The following NIPBL variants were observed in gnomAD, a reference collection of about 807,000 sequenced individuals.
NIPBL encodes the protein nipped-B-like protein.
A neutral mutation model predicts 321.8 loss-of-function variants in NIPBL; 19 were observed. The ratio of observed to expected loss-of-function variants is 0.06; its 90% CI spans 0.04 to 0.09. The LOEUF (loss-of-function observed/expected upper bound fraction) is 0.09, where lower values mean the gene tolerates loss of function less well. NIPBL is among the 10% of genes least tolerant of loss of function. NIPBL has a pLI of 1.00. For synonymous variants in NIPBL, 1,106 were observed against 1,114.1 expected, an observed-to-expected ratio of 0.99 and a Z score of 0.14; for missense variants, 2,210 against 3,327.0, an observed-to-expected ratio of 0.66 and a Z score of 8.26.
At chr5:36,926,374 G>A (rs1414905821) in intron 1 of NIPBL, among the ~76,000 whole-genome samples, 1 of 152,080 alleles carries the variant, frequency 6.6e-6, no homozygotes, top group Non-Finnish European at 1.5e-5. Flanking sequence ...TATTCAGCTG[G>A]TAGATGGGCT....
At chr5:37,063,739 C>G in intron 45 of NIPBL, 51 bp from the exon 46 acceptor site, 2 of 1,537,760 alleles carry the variant, frequency 1.3e-6, no homozygotes, top group Non-Finnish European at 1.8e-6. Flanking sequence ...ATTTGACAAT[C>G]TTGCTTGAAA....
At chr5:37,033,883 T>C (rs1373622519) in intron 32 of NIPBL, among the ~76,000 whole-genome samples, 1 of 151,032 alleles carries the variant, frequency 6.6e-6, no homozygotes, top group Non-Finnish European at 1.5e-5. Flanking sequence ...ATATTTTTGA[T>C]CTCTGAGTAG....
chr5:37,064,838 A>G lies in NIPBL; in HGVS notation c.8361A>G (p.Lys2787=), dbSNP rs1335718105. The change falls in exon 47 of 47, where the codon AAA becomes AAG. Residue 2787 remains lysine, a synonymous_variant. Coordinates refer to ENST00000282516, the MANE Select transcript of NIPBL (RefSeq NM_133433.4). ...ALTSANKLTN[K]VVQTLRSLYA... is the part of the protein sequence containing the mutation. ...CGAGTGCTAATAAGCTGACTAATAAAGTTGTTCAGACTTTACGATCCCTGT... is the reference window on the plus strand; with the variant it reads ...CGAGTGCTAATAAGCTGACTAATAAGGTTGTTCAGACTTTACGATCCCTGT... The G allele has an allele frequency of 1.2e-6, 2 of 1,614,204 alleles. No homozygotes were observed. Among genetic ancestry groups the G allele is most frequent in the Admixed American group, 1.7e-5 (1 of 60,018 alleles).
intron 21 of NIPBL, among the ~76,000 whole-genome samples, chr5:37,011,536 C>A (rs1748125306): frequency 6.6e-6 from 1 of 152,046 alleles, no homozygotes. Flanking sequence ...GCCTGGATGA[C>A]AGAATGAGAA....
At chr5:36,895,559 A>G (rs539531834) in intron 1 of NIPBL, among the ~76,000 whole-genome samples, 1 of 152,296 alleles carries the variant, frequency 6.6e-6, no homozygotes, top group African/African-American at 2.4e-5. Flanking sequence ...AAAGAGGTGC[A>G]TGATTTTACA....
Position 36,957,885 on chromosome 5 carries a change from A to G in NIPBL, c.231-219A>G, listed in dbSNP as rs547264265. ...GTAATCCCAGCTACTCGGGAGGCTG[A>G]GGCAAGAGAATCACTTGAACCTGGG... On this transcript the variant is annotated intron_variant, in intron 3 of 46. Coordinates refer to ENST00000282516, the MANE Select transcript of NIPBL (RefSeq NM_133433.4). Among the ~76,000 whole-genome samples, 3 of 152,066 alleles carry G rather than the reference A, an allele frequency of 2.0e-5. No individual in the cohort carries two copies. The East Asian group carries it at 5.8e-4, about 29-fold the overall frequency.
intron 32 of NIPBL, among the ~76,000 whole-genome samples, chr5:37,033,055 A>G (rs932585331): frequency 1.2e-4 from 18 of 152,232 alleles, no homozygotes; most frequent in Admixed American, 9.2e-4. Flanking sequence ...ACATTAAAGT[A>G]GAAGAAATCA....
chr5:36,924,394 G>C (rs570401481), intron 1 of NIPBL, among the ~76,000 whole-genome samples: 1 of 152,138 alleles, frequency 6.6e-6, no homozygotes, highest in Non-Finnish European at 1.5e-5. Context: ...GTGTCATTAA[G>C]TGTAGTGGTT....
chr5:37,014,155 C>T (rs1748621646), intron 21 of NIPBL, among the ~76,000 whole-genome samples: 1 of 152,090 alleles, frequency 6.6e-6, no homozygotes, highest in Non-Finnish European at 1.5e-5. Flanking sequence ...GAGATGGCAG[C>T]AGTACCGTCC....
intron 24 of NIPBL, among the ~76,000 whole-genome samples, chr5:37,017,461 A>T (rs1424426999): frequency 1.3e-5 from 2 of 152,010 alleles, no homozygotes; most frequent in Non-Finnish European, 2.9e-5. Context: ...TTTTTAATTT[A>T]CTGAATGGTG....
chr5:36,973,716 G>A (rs1424178333), intron 8 of NIPBL, among the ~76,000 whole-genome samples: 3 of 151,988 alleles, frequency 2.0e-5, no homozygotes, highest in African/African-American at 2.4e-5. Context: ...TGATCTGCCC[G>A]CCTCGGCCTC....
intron 1 of NIPBL, among the ~76,000 whole-genome samples, chr5:36,901,701 G>C (rs1158824938): frequency 6.6e-6 from 1 of 151,892 alleles, no homozygotes; most frequent in African/African-American, 2.4e-5. Context: ...TAGAGAGGGG[G>C]TTTCCCCATG....
At chr5:36,907,775 A>G (rs1747751721) in intron 1 of NIPBL, among the ~76,000 whole-genome samples, 1 of 152,188 alleles carries the variant, frequency 6.6e-6, no homozygotes, top group Non-Finnish European at 1.5e-5. Context: ...GCCACTGAGG[A>G]AAAGGTCTGA....
chr5:37,003,707 A>C (rs929284455), intron 16 of NIPBL, among the ~76,000 whole-genome samples: 3 of 152,122 alleles, frequency 2.0e-5, no homozygotes, highest in African/African-American at 7.2e-5. Context: ...ATGTGGGGGA[A>C]ATTTCACATT....
In NIPBL at chr5:37,020,643, A is replaced by G. The variant is rs775226349; in HGVS notation, c.5195A>G (p.Lys1732Arg). Residue 1732 changes from lysine (K) to arginine (R), a missense_variant, in exon 26 of 47, where the codon AAA (lysine) becomes AGA (arginine). By Grantham distance (26) the Lys-to-Arg change is conservative. This residue lies in a region of NIPBL where 138 missense variants were observed against 175.8 expected (regional missense o/e 0.79). Transcript: ENST00000282516. ...AAAAAGTTTCTTAGAAGCATTATCAAAACCACACCTTCTCAGTTTAGCACA... is the reference window on the plus strand; with the variant it reads ...AAAAAGTTTCTTAGAAGCATTATCAGAACCACACCTTCTCAGTTTAGCACA... ...NRKKFLRSII[K>R]TTPSQFSTLK... The G allele has an allele frequency of 1.9e-6, 3 of 1,614,016 alleles. No homozygotes were observed. Among genetic ancestry groups the G allele is most frequent in the Non-Finnish European group, 2.5e-6 (3 of 1,180,014 alleles).
At chr5:37,028,333 C>CTTTTTTTTT (rs10676635) in intron 32 of NIPBL, among the ~76,000 whole-genome samples, 14 of 102,528 alleles carry the variant, frequency 1.4e-4, no homozygotes, top group African/African-American at 4.3e-4. Context: ...TTCCATAATA[C>CTTTTTTTTT]TTTTTTTTTT....
chr5:36,967,530 A>G (rs1561089944), intron 6 of NIPBL, among the ~76,000 whole-genome samples: 5 of 152,204 alleles, frequency 3.3e-5, no homozygotes, highest in African/African-American at 1.2e-4. Context: ...CTCTTTTTAT[A>G]AAGTTAAATT....
intron 1 of NIPBL, among the ~76,000 whole-genome samples, chr5:36,918,371 T>G (rs1308418621): frequency 6.6e-6 from 1 of 152,172 alleles, no homozygotes; most frequent in African/African-American, 2.4e-5. Flanking sequence ...TGCACATTGA[T>G]TTTGTATCCT....
intron 1 of NIPBL, among the ~76,000 whole-genome samples, chr5:36,916,567 T>C (rs1748475132): frequency 6.6e-6 from 1 of 152,140 alleles, no homozygotes; most frequent in Admixed American, 6.5e-5. Context: ...TTGTTACATA[T>C]GTATACATGT....
Sources: gnomAD v4.1 joint callset for allele counts (sites outside exome capture counted in the v4.1 genomes callset) on GRCh38, gnomAD v4.1.1 for gene constraint, gnomAD v4.1.1 regional missense constraint, MANE v1.5 for transcripts, NCBI Gene and HGNC (gene_info 2026-07-23, HGNC 2026-07-21) for gene names.